The following HDGFL3 variants were observed in gnomAD, a reference collection of about 807,000 sequenced individuals.
HDGFL3 encodes the protein hepatoma-derived growth factor-related protein 3.
In HDGFL3, 6 loss-of-function variants were observed where a neutral mutation model predicts 27.6. The ratio of observed to expected loss-of-function variants is 0.22; its 90% confidence interval spans 0.12 to 0.43. The LOEUF (loss-of-function observed/expected upper bound fraction) is 0.43. HDGFL3 is among the 20% of genes least tolerant of loss of function. The pLI is 1.00. For synonymous variants in HDGFL3, 88 were observed against 88.9 expected, an observed-to-expected ratio of 0.99 and a Z score of 0.05; for missense variants, 207 against 250.1, an observed-to-expected ratio of 0.83 and a Z score of 1.16.
At chr15:83,154,886 T>C (rs890071078) in intron 4 of HDGFL3, among the ~76,000 whole-genome samples, 2 of 152,198 alleles carry the variant, frequency 1.3e-5, no homozygotes, top group Non-Finnish European at 2.9e-5. Flanking sequence ...TCCCCCCTTT[T>C]GAGACAGGGT....
At chr15:83,182,197 T>A (rs2037390028) in intron 1 of HDGFL3, among the ~76,000 whole-genome samples, 4 of 152,208 alleles carry the variant, frequency 2.6e-5, no homozygotes, top group Admixed American at 2.6e-4. Context: ...CTTCTGTGGA[T>A]ATCTTTTAAC....
chr15:83,164,366 C>CAAAAAAAAAAAAAA (rs2037138516), intron 1 of HDGFL3, among the ~76,000 whole-genome samples: 1 of 12,936 alleles, frequency 7.7e-5, no homozygotes, highest in African/African-American at 3.5e-4. Flanking sequence ...ATTAGAGTAA[C>CAAAAAAAAAAAAAA]CAAAAAAAAA....
In HDGFL3 at chr15:83,150,175, G is replaced by T. The variant is rs187493381; in HGVS notation, c.606+1040C>A. On this transcript the variant is annotated intron_variant, in intron 5 of 5. Transcript: ENST00000299633. Reference sequence around the variant, plus strand: ...TCATGAGAAGTGCATCTAGAAATAAGTTTGGTAGTAAAGGGAAGAGAAATT... The same window carrying T: ...TCATGAGAAGTGCATCTAGAAATAATTTTGGTAGTAAAGGGAAGAGAAATT... Among the ~76,000 whole-genome samples, 3 of 152,268 alleles carry T rather than the reference G, an allele frequency of 2.0e-5. No individual in the cohort carries two copies. The East Asian group carries it at 5.8e-4, about 29-fold the overall frequency.
rs2036685746 is a variant in HDGFL3, at chr15:83,137,974, T to G, written c.*1296A>C. ...CTCCCCATCATCCCCTACAGTGTTT[T>G]CAAATAATCTAAAACCCAGAGAGTG... On this transcript the variant is annotated 3_prime_UTR_variant, in exon 6 of 6. Coordinates refer to ENST00000299633, the MANE Select transcript of HDGFL3 (RefSeq NM_016073.4). 1 of 151,846 alleles carries G rather than the reference T, an allele frequency of 6.6e-6. No individual in the cohort carries two copies. The highest frequency in any genetic ancestry group is 2.4e-5 in the African/African-American group (1 of 41,402). The allele number at this position is 151,846 out of a possible 1,614,324, so 9.4% of individuals were successfully genotyped here.
chr15:83,186,216 C>G (rs2037440331), intron 1 of HDGFL3: 1 of 152,206 alleles, frequency 6.6e-6, no homozygotes, highest in African/African-American at 2.4e-5. Context: ...TGTTTTAAGC[C>G]ATTAAATTTT....
chr15:83,172,155 C>G (rs1256567491), intron 1 of HDGFL3, among the ~76,000 whole-genome samples: 1 of 152,066 alleles, frequency 6.6e-6, no homozygotes, highest in Non-Finnish European at 1.5e-5. Context: ...GGTGATTAGG[C>G]CTTGAGGGCT....
chr15:83,167,028 A>T (rs779016009), intron 1 of HDGFL3, among the ~76,000 whole-genome samples: 14 of 152,208 alleles, frequency 9.2e-5, no homozygotes, highest in Non-Finnish European at 1.5e-4. Context: ...TATCAATAGC[A>T]ACATTGAATG....
At chr15:83,151,417 A>AG (rs1161673688) in intron 4 of HDGFL3, 56 bp from the exon 5 acceptor site, 2 of 1,456,096 alleles carry the variant, frequency 1.4e-6, no homozygotes, top group Non-Finnish European at 1.9e-6. Flanking sequence ...CAAATGTACA[A>AG]GTAAGAGATG....
intron 1 of HDGFL3, among the ~76,000 whole-genome samples, chr15:83,205,308 C>A (rs1332234804): frequency 2.0e-5 from 3 of 152,154 alleles, no homozygotes; most frequent in African/African-American, 2.4e-5. Context: ...ATGCCACTAA[C>A]GAGAAAATAA....
chr15:83,182,503 G>C (rs1213254103), intron 1 of HDGFL3, among the ~76,000 whole-genome samples: 1 of 152,078 alleles, frequency 6.6e-6, no homozygotes, highest in Non-Finnish European at 1.5e-5. Context: ...ACAATAACAT[G>C]AATGAATCTT....
intron 1 of HDGFL3, among the ~76,000 whole-genome samples, chr15:83,193,437 G>A (rs896579547): frequency 1.9e-4 from 29 of 152,192 alleles, no homozygotes; most frequent in Admixed American, 5.9e-4. Flanking sequence ...AATAAGCATC[G>A]GCGAGGAAGT....
At chr15:83,120,709 TCACTATA>T (rs1203195840) in intron 3 of HDGFL3, among the ~76,000 whole-genome samples, 1 of 151,430 alleles carries the variant, frequency 6.6e-6, no homozygotes, top group Non-Finnish European at 1.5e-5. Flanking sequence ...CAGGCGTGTG[TCACTATA>T]CCCGCAAATT....
rs1288809569 is a variant in HDGFL3, at chr15:83,128,345, A to T, written c.*10925T>A. The T allele has an allele frequency of 6.6e-6, 1 of 152,188 alleles. No homozygotes were observed. The highest frequency in any genetic ancestry group is 2.4e-5 in the African/African-American group (1 of 41,442). The allele number at this position is 152,188 out of a possible 1,614,324, so 9.4% of individuals were successfully genotyped here. On this transcript the variant is annotated 3_prime_UTR_variant, in exon 6 of 6. Coordinates refer to ENST00000299633, the MANE Select transcript of HDGFL3 (RefSeq NM_016073.4). The stretch of plus-strand genomic sequence containing the variant: ...ATCCTTTCAGTTTGAGGTAATTCTT[A>T]ATTATAAAATTAGCATAGTAGTATC...
intron 3 of HDGFL3, chr15:83,119,537 G>T (rs745400534): frequency 5.6e-6 from 9 of 1,602,452 alleles, no homozygotes; most frequent in Non-Finnish European, 6.0e-6. Context: ...TGCATTTACA[G>T]GTCTTATTTA....
intron 1 of HDGFL3, among the ~76,000 whole-genome samples, chr15:83,187,368 T>C (rs1456843179): frequency 6.7e-6 from 1 of 148,976 alleles, no homozygotes; most frequent in Non-Finnish European, 1.5e-5. Context: ...AACTACTCTC[T>C]GTGTGTGTCT....
intron 5 of HDGFL3, among the ~76,000 whole-genome samples, chr15:83,147,944 A>C (rs1442923877): frequency 1.3e-5 from 2 of 152,214 alleles, no homozygotes; most frequent in Non-Finnish European, 2.9e-5. Flanking sequence ...TAAGAAATGA[A>C]ATCCAATAAG....
intron 1 of HDGFL3, among the ~76,000 whole-genome samples, chr15:83,181,408 A>C (rs2037379786): frequency 6.6e-6 from 1 of 152,224 alleles, no homozygotes; most frequent in Non-Finnish European, 1.5e-5. Context: ...CAGCTCGAAT[A>C]GTTAAAAGTG....
chr15:83,157,646 C>G (rs2037049699), intron 3 of HDGFL3, 73 bp from the exon 4 acceptor site: 4 of 1,369,382 alleles, frequency 2.9e-6, no homozygotes, highest in Non-Finnish European at 3.0e-6. Flanking sequence ...AAAAGAACTA[C>G]TCTGTTTTCA....
At chr15:83,152,380 CA>C (rs1168265769) in intron 4 of HDGFL3, among the ~76,000 whole-genome samples, 1 of 151,622 alleles carries the variant, frequency 6.6e-6, no homozygotes, top group Non-Finnish European at 1.5e-5. Context: ...GCCAACATGG[CA>C]AAACCCTGTC....
Sources: allele counts gnomAD v4.1 joint callset (sites outside exome capture counted in the v4.1 genomes callset), GRCh38; gene constraint gnomAD v4.1.1; transcripts MANE v1.5; gene names NCBI Gene and HGNC (gene_info 2026-07-23, HGNC 2026-07-21).